The following FAM227B variants were observed in gnomAD, a reference collection of about 807,000 sequenced individuals.
The protein encoded by FAM227B is family with sequence similarity 227 member B, also known as protein FAM227B.
A neutral mutation model predicts 73.8 loss-of-function variants in FAM227B; 88 were observed. That is an observed-to-expected ratio of 1.19 (90% CI 1.00 to 1.42). The LOEUF (loss-of-function observed/expected upper bound fraction) is 1.42, where lower values mean the gene tolerates loss of function less well. Ranked by LOEUF, FAM227B falls within the 40% of genes most tolerant of loss-of-function variation. The pLI is 0.00. For missense variants in FAM227B, 632 were observed against 590.9 expected (o/e 1.07, Z -0.72); for synonymous variants, 210 against 190.5 (o/e 1.10, Z -0.84).
intron 11 of FAM227B, among the ~76,000 whole-genome samples, chr15:49,459,003 A>G (rs1409100524): frequency 1.3e-5 from 2 of 152,278 alleles, no homozygotes; most frequent in South Asian, 2.1e-4. Flanking sequence ...ATTGTCCTTC[A>G]TTTCTATTAA....
chr15:49,401,089 G>A (rs569294263), intron 11 of FAM227B, among the ~76,000 whole-genome samples: 9 of 152,332 alleles, frequency 5.9e-5, no homozygotes, highest in African/African-American at 9.6e-5. Flanking sequence ...GAAAATTTTC[G>A]CAAACTACTC....
At chr15:49,497,068 T>C (rs1339977027) in intron 11 of FAM227B, among the ~76,000 whole-genome samples, 2 of 152,054 alleles carry the variant, frequency 1.3e-5, no homozygotes. Context: ...TCAGCACCTA[T>C]GGATAGAAGT....
At chr15:49,591,997 T>C (rs1218584037) in intron 3 of FAM227B, among the ~76,000 whole-genome samples, 1 of 152,222 alleles carries the variant, frequency 6.6e-6, no homozygotes, top group Non-Finnish European at 1.5e-5. Context: ...CATGAAGTTC[T>C]CATGGCATGG....
rs1598582826 is a variant in FAM227B, at chr15:49,614,895, T to C, written c.51+226A>G. ...TTTTAGTCAGTCAGGGAGATGGATT[T>C]GAGACTGATCTCCCATCTCCTCGGC... On this transcript the variant is annotated intron_variant, in intron 2 of 15. Transcript: ENST00000299338. 4 of 517,596 alleles carry C rather than the reference T, an allele frequency of 7.7e-6. No individual in the cohort carries two copies. The East Asian group carries it at 1.2e-4, about 16-fold the overall frequency. The allele number at this position is 517,596 out of a possible 1,614,324, so 32.1% of individuals were successfully genotyped here.
At chr15:49,534,116 C>A (rs1376901273) in intron 10 of FAM227B, among the ~76,000 whole-genome samples, 1 of 151,788 alleles carries the variant, frequency 6.6e-6, no homozygotes, top group African/African-American at 2.4e-5. Flanking sequence ...GATAGCATAA[C>A]ACACTCACAG....
intron 10 of FAM227B, among the ~76,000 whole-genome samples, chr15:49,535,499 A>T (rs1318035432): frequency 6.6e-6 from 1 of 151,842 alleles, no homozygotes; most frequent in Non-Finnish European, 1.5e-5. Context: ...ACATATAAAG[A>T]AGAATTAATA....
intron 10 of FAM227B, among the ~76,000 whole-genome samples, chr15:49,537,997 C>G (rs541305685): frequency 6.6e-6 from 1 of 152,064 alleles, no homozygotes; most frequent in East Asian, 1.9e-4. Context: ...GTCTAAAGAT[C>G]TAATGTACAA....
intron 9 of FAM227B, among the ~76,000 whole-genome samples, chr15:49,544,684 T>C (rs1207971549): frequency 6.6e-6 from 1 of 152,158 alleles, no homozygotes; most frequent in African/African-American, 2.4e-5. Context: ...GTCTCCTCTT[T>C]GCCAATTTTG....
intron 10 of FAM227B, among the ~76,000 whole-genome samples, chr15:49,518,529 C>A (rs748451036): frequency 2.0e-5 from 3 of 152,096 alleles, no homozygotes; most frequent in Non-Finnish European, 4.4e-5. Context: ...GCTGGGGAGG[C>A]CGCACAATCA....
intron 11 of FAM227B, among the ~76,000 whole-genome samples, chr15:49,490,484 A>G (rs1050531904): frequency 6.6e-6 from 1 of 152,008 alleles, no homozygotes; most frequent in Non-Finnish European, 1.5e-5. Flanking sequence ...GAAGGTGAGT[A>G]ATTAAAAACT....
chr15:49,447,350 CT>C (rs2052318899), intron 11 of FAM227B, among the ~76,000 whole-genome samples: 1 of 151,526 alleles, frequency 6.6e-6, no homozygotes, highest in African/African-American at 2.4e-5. Context: ...ACATTTTGAG[CT>C]TCTGTGAGGT....
At chr15:49,584,779 T>C (rs1361449368) in intron 5 of FAM227B, among the ~76,000 whole-genome samples, 2 of 151,820 alleles carry the variant, frequency 1.3e-5, no homozygotes, top group Non-Finnish European at 2.9e-5. Flanking sequence ...CACACAAAAA[T>C]ATCTAGGAAT....
intron 3 of FAM227B, among the ~76,000 whole-genome samples, chr15:49,605,290 C>T (rs1354401392): frequency 6.6e-6 from 1 of 152,160 alleles, no homozygotes; most frequent in Non-Finnish European, 1.5e-5. Context: ...AGGCCTGTTA[C>T]CTGAGCCCAC....
At chr15:49,392,421 G>C (rs1032904095) in intron 11 of FAM227B, among the ~76,000 whole-genome samples, 1 of 152,190 alleles carries the variant, frequency 6.6e-6, no homozygotes, top group East Asian at 1.9e-4. Flanking sequence ...GGATGCAAAA[G>C]AGACTGTGCA....
intron 10 of FAM227B, among the ~76,000 whole-genome samples, chr15:49,521,371 A>G (rs2152170160): frequency 6.6e-6 from 1 of 152,308 alleles, no homozygotes; most frequent in South Asian, 2.1e-4. Flanking sequence ...GTGTGTGGTG[A>G]TCTCTGAAAG....
At chr15:49,443,100 T>C (rs4338740) in intron 11 of FAM227B, among the ~76,000 whole-genome samples, 33,318 of 151,566 alleles carry the variant, frequency 0.22, 4,019 homozygotes, top group South Asian at 0.34. Flanking sequence ...TGACCATATT[T>C]GGTGGTCTGC....
At chr15:49,598,635 T>C (rs943204059) in intron 3 of FAM227B, among the ~76,000 whole-genome samples, 2 of 152,040 alleles carry the variant, frequency 1.3e-5, no homozygotes, top group Non-Finnish European at 2.9e-5. Flanking sequence ...GCACCTAATT[T>C]GCTGAGAGTT....
At chr15:49,352,089 C>T (rs1451637085) in intron 13 of FAM227B, among the ~76,000 whole-genome samples, 1 of 152,136 alleles carries the variant, frequency 6.6e-6, no homozygotes, top group East Asian at 1.9e-4. Flanking sequence ...GGGGCTGATA[C>T]TTGCTGTGGC....
chr15:49,332,237 A>T (rs2038928280), intron 14 of FAM227B, among the ~76,000 whole-genome samples: 1 of 152,198 alleles, frequency 6.6e-6, no homozygotes, highest in Non-Finnish European at 1.5e-5. Context: ...CTCTTCAGTT[A>T]GATGGTTTAC....
Sources: gnomAD v4.1 joint callset for allele counts (sites outside exome capture counted in the v4.1 genomes callset) on GRCh38, gnomAD v4.1.1 for gene constraint, MANE v1.5 for transcripts, NCBI Gene and HGNC (gene_info 2026-07-23, HGNC 2026-07-21) for gene names.